The following NOVA1 variants were observed in gnomAD, a reference collection of about 807,000 sequenced individuals.
NOVA1 encodes NOVA alternative splicing regulator 1.
A neutral mutation model predicts 38.0 loss-of-function variants in NOVA1; 7 were observed. That is an observed-to-expected ratio of 0.18 (90% CI 0.10 to 0.35). The LOEUF (loss-of-function observed/expected upper bound fraction) is 0.35. Ranked by LOEUF, NOVA1 falls within the 10% of genes least tolerant of loss-of-function variation. The pLI, the probability that NOVA1 is intolerant of heterozygous loss-of-function variation, is 1.00. For missense variants in NOVA1, 460 were observed against 616.0 expected, an observed-to-expected ratio of 0.75 and a Z score of 2.68; for synonymous variants, 270 against 232.5, an observed-to-expected ratio of 1.16 and a Z score of -1.47.
chr14:26,451,363 T>A (rs1882659364), intron 4 of NOVA1, among the ~76,000 whole-genome samples: 1 of 152,152 alleles, frequency 6.6e-6, no homozygotes, highest in East Asian at 1.9e-4. Context: ...TTTATTTTTA[T>A]TTATTTATTT....
chr14:26,584,066 TCAAAAG>T (rs1039649574), intron 2 of NOVA1, among the ~76,000 whole-genome samples: 2 of 151,476 alleles, frequency 1.3e-5, no homozygotes, highest in African/African-American at 4.8e-5. Context: ...CTGCTATGAA[TCAAAAG>T]CAAATTAGTT....
chr14:26,561,094 T>C (rs571448638), intron 2 of NOVA1, among the ~76,000 whole-genome samples: 1 of 152,138 alleles, frequency 6.6e-6, no homozygotes, highest in African/African-American at 2.4e-5. Flanking sequence ...CAGTTCATGA[T>C]AGGGTTTCCG....
At chr14:26,535,839 C>T (rs1566514066) in intron 2 of NOVA1, among the ~76,000 whole-genome samples, 2 of 151,830 alleles carry the variant, frequency 1.3e-5, no homozygotes, top group Non-Finnish European at 2.9e-5. Flanking sequence ...ATTAGCCGGG[C>T]GTGGTGGTGG....
chr14:26,538,144 G>A (rs969690909), intron 2 of NOVA1, among the ~76,000 whole-genome samples: 1 of 152,052 alleles, frequency 6.6e-6, no homozygotes, highest in Non-Finnish European at 1.5e-5. Context: ...AATTAATAAG[G>A]CCTTTCAAAT....
At chr14:26,451,907 T>G (rs962035239) in intron 4 of NOVA1, among the ~76,000 whole-genome samples, 1 of 152,168 alleles carries the variant, frequency 6.6e-6, no homozygotes, top group Non-Finnish European at 1.5e-5. Context: ...AATATTGATG[T>G]GGCCCCAAGT....
chr14:26,470,588 A>G, intron 4 of NOVA1: 1 of 856,320 alleles, frequency 1.2e-6, no homozygotes, highest in Non-Finnish European at 1.9e-6. Flanking sequence ...ATTTCAAAAT[A>G]GCAAAATTTA....
At chr14:26,544,922 T>C (rs1379049454) in intron 2 of NOVA1, among the ~76,000 whole-genome samples, 2 of 152,042 alleles carry the variant, frequency 1.3e-5, no homozygotes, top group Non-Finnish European at 2.9e-5. Flanking sequence ...TGATAAATGG[T>C]GGGCAAAGAA....
At chr14:26,494,302 T>C (rs1386582546) in intron 2 of NOVA1, among the ~76,000 whole-genome samples, 2 of 152,196 alleles carry the variant, frequency 1.3e-5, no homozygotes, top group African/African-American at 4.8e-5. Context: ...GGGAAGCTGT[T>C]GTCTTTCTCT....
intron 2 of NOVA1, among the ~76,000 whole-genome samples, chr14:26,508,088 A>T (rs1887778473): frequency 6.6e-6 from 1 of 152,062 alleles, no homozygotes; most frequent in African/African-American, 2.4e-5. Context: ...TTTTGAATAG[A>T]CATAGCAACT....
At chr14:26,531,890 CA>C (rs1273103970) in intron 2 of NOVA1, among the ~76,000 whole-genome samples, 5 of 151,882 alleles carry the variant, frequency 3.3e-5, no homozygotes, top group Non-Finnish European at 7.4e-5. Flanking sequence ...AAAAACAATC[CA>C]ATAGAGACAA....
intron 2 of NOVA1, among the ~76,000 whole-genome samples, chr14:26,510,251 C>A (rs1373033393): frequency 2.0e-5 from 3 of 152,082 alleles, no homozygotes; most frequent in African/African-American, 7.2e-5. Flanking sequence ...ATGGCCCCTG[C>A]CTTCAAGTAG....
intron 2 of NOVA1, 142 bp downstream of exon 2, chr14:26,595,268 T>C: frequency 1.4e-6 from 1 of 703,300 alleles, no homozygotes; most frequent in Non-Finnish European, 2.2e-6. Context: ...TGAAAATTTT[T>C]CCACAATATA....
chr14:26,576,493 T>C (rs1162478382), intron 2 of NOVA1, among the ~76,000 whole-genome samples: 1 of 151,902 alleles, frequency 6.6e-6, no homozygotes, highest in African/African-American at 2.4e-5. Flanking sequence ...AATACATTTT[T>C]AAGTATATAA....
Position 26,446,252 on chromosome 14 carries a change from A to G in NOVA1, c.*1707T>C, listed in dbSNP as rs914708796. 1 of 152,650 alleles carries G rather than the reference A, an allele frequency of 6.6e-6. No homozygotes were observed. Among genetic ancestry groups the G allele is most frequent in the African/African-American group, 2.4e-5 (1 of 41,454 alleles). The allele number at this position is 152,650 out of a possible 1,614,324, so 9.5% of individuals were successfully genotyped here. A position where few individuals can be genotyped will look rare whatever the true frequency, so the allele number is the denominator to read the frequency against. On this transcript the variant is annotated 3_prime_UTR_variant, in exon 5 of 5. Coordinates refer to ENST00000539517, the MANE Select transcript of NOVA1 (RefSeq NM_002515.3). ...ATCAGGAAATAATTTCAAGTTCTCA[A>G]TGTCCAAAAGTAAATTGCACAGTAA...
chr14:26,597,338 G>C lies in NOVA1; in HGVS notation c.99C>G (p.Pro33=), dbSNP rs367905338. The C allele has an allele frequency of 2.4e-6, 3 of 1,262,502 alleles. No individual in the cohort carries two copies. Among genetic ancestry groups the C allele is most frequent in the Middle Eastern group, 4.5e-4 (2 of 4,450 alleles). The allele number at this position is 1,262,502 out of a possible 1,614,324, so 78.2% of individuals were successfully genotyped here. A position where few individuals can be genotyped will look rare whatever the true frequency, so the allele number is the denominator to read the frequency against. The change falls in exon 1 of 5, where the codon CCC becomes CCG. Residue 33 remains proline (P), a synonymous_variant. Transcript: ENST00000539517. ...PDSRKRPLEA[P]PEAGSTKRTN... is the part of the protein sequence containing the mutation. ...TCCTCTTGGTGCTGCCGGCTTCAGG[G>C]GGGGCTTCCAGCGGCCTTTTCCGCG... is the stretch of plus-strand genomic sequence containing the variant.
intron 2 of NOVA1, among the ~76,000 whole-genome samples, chr14:26,521,911 C>A (rs1451822652): frequency 6.6e-6 from 1 of 151,936 alleles, no homozygotes; most frequent in Non-Finnish European, 1.5e-5. Context: ...AACAGATCTA[C>A]TAAGGAGAAA....
intron 4 of NOVA1, among the ~76,000 whole-genome samples, chr14:26,465,980 G>A (rs142371021): frequency 6.6e-6 from 1 of 152,112 alleles, no homozygotes; most frequent in Non-Finnish European, 1.5e-5. Context: ...AGGAGTACAG[G>A]GGGGGAAGGG....
chr14:26,568,410 G>C (rs558083364), intron 2 of NOVA1: 17 of 152,200 alleles, frequency 1.1e-4, no homozygotes, highest in African/African-American at 2.9e-4. Flanking sequence ...CATGATTTTG[G>C]TCAGCTTACC....
At chr14:26,528,480 G>T (rs994109143) in intron 2 of NOVA1, among the ~76,000 whole-genome samples, 1 of 152,158 alleles carries the variant, frequency 6.6e-6, no homozygotes, top group Admixed American at 6.5e-5. Context: ...GAAAAAGAGT[G>T]AAACAATTGC....
Sources: allele counts gnomAD v4.1 joint callset (sites outside exome capture counted in the v4.1 genomes callset), GRCh38; gene constraint gnomAD v4.1.1; transcripts MANE v1.5; gene names NCBI Gene and HGNC (gene_info 2026-07-23, HGNC 2026-07-21).